The following KCNJ3 variants were observed in gnomAD, a reference collection of about 807,000 sequenced individuals.
KCNJ3 encodes G protein-activated inward rectifier potassium channel 1.
A neutral mutation model predicts 39.2 loss-of-function variants in KCNJ3; 4 were observed. That is an observed-to-expected ratio of 0.10 (90% CI 0.05 to 0.23). The LOEUF is 0.23. KCNJ3 is among the 10% of genes least tolerant of loss of function. The probability of loss-of-function intolerance (pLI) is 1.00; values close to 1 mark genes in which losing one functional copy is unlikely to be tolerated. For synonymous variants in KCNJ3, 230 were observed against 237.4 expected, an observed-to-expected ratio of 0.97 and a Z score of 0.29; for missense variants, 276 against 634.9, an observed-to-expected ratio of 0.43 and a Z score of 6.08.
Position 154,698,789 on chromosome 2 carries a change from G to T in KCNJ3, c.14G>T (p.Arg5Leu). Residue 5 changes from arginine to leucine, a missense_variant, in exon 1 of 3, where the codon CGA becomes CTA. By Grantham distance (102) the Arg-to-Leu change is moderately radical. Coordinates refer to ENST00000295101, the MANE Select transcript of KCNJ3 (RefSeq NM_002239.4). MSAL[R>L]RKFGDDYQVV... ...CCCCTTCGTATTATGTCTGCACTCC[G>T]AAGGAAATTTGGGGACGATTATCAG... 1.2e-6 allele frequency: 2 copies of T among 1,602,898 alleles called. No homozygotes were observed. Among genetic ancestry groups the T allele is most frequent in the Non-Finnish European group, 1.7e-6 (2 of 1,172,214 alleles).
chr2:154,740,051 A>G (rs996129580), intron 2 of KCNJ3, among the ~76,000 whole-genome samples: 1 of 152,082 alleles, frequency 6.6e-6, no homozygotes, highest in Non-Finnish European at 1.5e-5. Flanking sequence ...AATGAAACAA[A>G]GTAAACATAA....
rs112132435 is a variant in KCNJ3, at chr2:154,767,195, T to TAAA, written c.919+57378_919+57380dup. Among the ~76,000 whole-genome samples, 464 of 151,990 alleles carry TAAA rather than the reference T, an allele frequency of 3.1e-3. 4 individuals carry two copies. The highest frequency in any genetic ancestry group is 0.011 in the African/African-American group (451 of 41,380). On this transcript the variant is annotated intron_variant, in intron 2 of 2. Transcript: ENST00000295101. Reference sequence around the variant, plus strand: ...CTAGTACATTCTTTACCTTTTTTTTTAAAATTATACTTTAAGTTCTAGGGT... The same window carrying TAAA: ...CTAGTACATTCTTTACCTTTTTTTTTAAAAAAATTATACTTTAAGTTCTAGGGT...
In KCNJ3 at chr2:154,856,077, GAGCATACC is replaced by G. The variant is rs1687833217; in HGVS notation, c.*767_*774del. On this transcript the variant is annotated 3_prime_UTR_variant, in exon 3 of 3. Transcript: ENST00000295101. ...TTACATGTTTAAATTGTAAATTTTAGAGCATACCAGTACTCAGTATAGCATTGAACATT... is the reference window on the plus strand; with the variant it reads ...TTACATGTTTAAATTGTAAATTTTAGAGTACTCAGTATAGCATTGAACATT... 1 of 152,490 alleles carries G rather than the reference GAGCATACC, an allele frequency of 6.6e-6. No homozygotes were observed. Among genetic ancestry groups the G allele is most frequent in the South Asian group, 2.1e-4 (1 of 4,828 alleles). The allele number at this position is 152,490 out of a possible 1,614,324, so 9.4% of individuals were successfully genotyped here. A position where few individuals can be genotyped will look rare whatever the true frequency, so the allele number is the denominator to read the frequency against.
intron 2 of KCNJ3, among the ~76,000 whole-genome samples, chr2:154,817,115 C>G (rs1340596510): frequency 2.6e-5 from 4 of 152,082 alleles, no homozygotes; most frequent in African/African-American, 9.7e-5. Context: ...ATTCAAGATA[C>G]AATCCTTTTC....
At chr2:154,801,791 T>C (rs1390734369) in intron 2 of KCNJ3, among the ~76,000 whole-genome samples, 2 of 152,012 alleles carry the variant, frequency 1.3e-5, no homozygotes, top group Non-Finnish European at 2.9e-5. Context: ...CACACCTGGC[T>C]AATTTTTGTA....
intron 2 of KCNJ3, among the ~76,000 whole-genome samples, chr2:154,793,194 AG>A (rs1402023476): frequency 5.3e-5 from 8 of 152,080 alleles, no homozygotes; most frequent in Non-Finnish European, 8.8e-5. Flanking sequence ...TAGGTCATAA[AG>A]ATTATATTAT....
chr2:154,828,390 G>A (rs1054619899), intron 2 of KCNJ3, among the ~76,000 whole-genome samples: 4 of 152,168 alleles, frequency 2.6e-5, no homozygotes, highest in African/African-American at 9.7e-5. Flanking sequence ...GAAGGGAAGC[G>A]TGGAAGTTCC....
intron 2 of KCNJ3, among the ~76,000 whole-genome samples, chr2:154,815,712 CT>C (rs1207799103): frequency 1.3e-5 from 2 of 152,318 alleles, no homozygotes; most frequent in East Asian, 3.9e-4. Context: ...TAAGCAGACT[CT>C]TTACTTGTTC....
rs187356775 is a variant in KCNJ3, at chr2:154,774,465, C to T, written c.919+64646C>T. 4.3e-3 allele frequency among the ~76,000 whole-genome samples: 653 copies of T among 151,986 alleles called. 5 individuals are homozygous for T. Among genetic ancestry groups the T allele is most frequent in the African/African-American group, 0.015 (638 of 41,482 alleles). On this transcript the variant is annotated intron_variant, in intron 2 of 2. Transcript: ENST00000295101. ...ATATAAAATATTTCTAAAATATTAA[C>T]ATCATTATTTAGAAAAAGATGATGT...
At chr2:154,768,592 T>G (rs184806614) in intron 2 of KCNJ3, among the ~76,000 whole-genome samples, 2 of 152,314 alleles carry the variant, frequency 1.3e-5, no homozygotes, top group Admixed American at 1.3e-4. Context: ...TACTGTAGCC[T>G]TGTAGTATAG....
chr2:154,831,035 T>TATC (rs1457265016), intron 2 of KCNJ3, among the ~76,000 whole-genome samples: 2 of 152,208 alleles, frequency 1.3e-5, no homozygotes, highest in Non-Finnish European at 2.9e-5. Context: ...CTTTTTGATC[T>TATC]ATCTCTGCAG....
Position 154,837,816 on chromosome 2 carries a change from C to A in KCNJ3, c.920-16911C>A, listed in dbSNP as rs140657830. ...TGCATGTGCTCTTTTTCCATCCACC[C>A]CAGAATGTAGTTTTCTCACATTGCG... On this transcript the variant is annotated intron_variant, in intron 2 of 2. Coordinates refer to ENST00000295101, the MANE Select transcript of KCNJ3 (RefSeq NM_002239.4). Among the ~76,000 whole-genome samples, 427 of 152,198 alleles carry A rather than the reference C, an allele frequency of 2.8e-3. 3 individuals carry two copies. The highest frequency in any genetic ancestry group is 9.7e-3 in the African/African-American group (401 of 41,522).
At chr2:154,810,258 A>G (rs1290540320) in intron 2 of KCNJ3, among the ~76,000 whole-genome samples, 3 of 151,888 alleles carry the variant, frequency 2.0e-5, no homozygotes. Flanking sequence ...AATTTTTTGT[A>G]TTTTTTGTGG....
intron 2 of KCNJ3, among the ~76,000 whole-genome samples, chr2:154,828,751 C>T (rs567838206): frequency 3.3e-5 from 5 of 152,120 alleles, no homozygotes; most frequent in Middle Eastern, 3.4e-3. Context: ...CTCTCCATGC[C>T]TTTGGGTATG....
chr2:154,717,495 G>A (rs1218655657), intron 2 of KCNJ3, among the ~76,000 whole-genome samples: 1 of 152,250 alleles, frequency 6.6e-6, no homozygotes, highest in Non-Finnish European at 1.5e-5. Context: ...AAGTTGTCTG[G>A]CTCAGCAACC....
chr2:154,701,905 T>C (rs1684904779), intron 1 of KCNJ3, among the ~76,000 whole-genome samples: 1 of 151,996 alleles, frequency 6.6e-6, no homozygotes, highest in Non-Finnish European at 1.5e-5. Flanking sequence ...CCTGTAGGCA[T>C]GGTAATTTAA....
At chr2:154,769,028 A>G (rs181817533) in intron 2 of KCNJ3, among the ~76,000 whole-genome samples, 299 of 152,294 alleles carry the variant, frequency 2.0e-3, no homozygotes, top group African/African-American at 6.3e-3. Flanking sequence ...ATTTTTGCAC[A>G]TTGATTTTGT....
intron 2 of KCNJ3, among the ~76,000 whole-genome samples, chr2:154,851,766 C>G (rs1687760113): frequency 6.6e-6 from 1 of 152,106 alleles, no homozygotes; most frequent in Non-Finnish European, 1.5e-5. Context: ...TTAATGCCAA[C>G]AAACATTTGA....
intron 2 of KCNJ3, among the ~76,000 whole-genome samples, chr2:154,710,625 G>T (rs1057386804): frequency 1.3e-5 from 2 of 152,100 alleles, no homozygotes; most frequent in Admixed American, 6.5e-5. Context: ...ACGTATATGT[G>T]TGTGTGTGTA....
Sources: allele counts gnomAD v4.1 joint callset (sites outside exome capture counted in the v4.1 genomes callset), GRCh38; gene constraint gnomAD v4.1.1; transcripts MANE v1.5; gene names NCBI Gene and HGNC (gene_info 2026-07-23, HGNC 2026-07-21).